Variants in ADCYAP1R1 observed in about 807,000 individuals in gnomAD.
ADCYAP1R1 encodes the protein ADCYAP receptor type I.
ADCYAP1R1 carries 44 observed loss-of-function variants against 67.6 expected under a neutral mutation model. That is an observed-to-expected ratio of 0.65 (90% CI 0.51 to 0.84). ADCYAP1R1 has a LOEUF of 0.84. ADCYAP1R1 is among the 40% of genes least tolerant of loss of function. The probability of loss-of-function intolerance (pLI) is 0.00; values close to 1 mark genes in which losing one functional copy is unlikely to be tolerated. For missense variants in ADCYAP1R1, 477 were observed against 587.9 expected, an observed-to-expected ratio of 0.81 and a Z score of 1.95; for synonymous variants, 222 against 219.6, an observed-to-expected ratio of 1.01 and a Z score of -0.10.
rs759456208 is a variant in ADCYAP1R1 at position 31,093,140 on chromosome 7, C to T, written c.1046+405C>T. Among the ~76,000 whole-genome samples the T allele has an allele frequency of 8.5e-5, 13 of 152,302 alleles. 1 individual carries two copies. In the South Asian group the frequency reaches 1.4e-3, roughly 17 times the overall value. Reference sequence around the variant, plus strand: ...CATTGTTGCCTGATATTCCGACCCCCAGCCCAGACTGTGGAAGTTGCCCAG... The same window carrying T: ...CATTGTTGCCTGATATTCCGACCCCTAGCCCAGACTGTGGAAGTTGCCCAG... On this transcript the variant is annotated intron_variant, in intron 13 of 15. Transcript: ENST00000304166.
chr7:31,079,627 G>A (rs1795429701), intron 4 of ADCYAP1R1, among the ~76,000 whole-genome samples: 1 of 152,246 alleles, frequency 6.6e-6, no homozygotes, highest in Non-Finnish European at 1.5e-5. Context: ...CCTGGAGGGG[G>A]AGGGGCTTGC....
intron 3 of ADCYAP1R1, among the ~76,000 whole-genome samples, chr7:31,065,835 T>TTCCTTCTGGA (rs1794714455): frequency 6.6e-6 from 1 of 152,222 alleles, no homozygotes; most frequent in African/African-American, 2.4e-5. Context: ...GGGATTCATT[T>TTCCTTCTGGA]TCCTTCTGGA....
rs540262330 is a variant in ADCYAP1R1 at position 31,064,911 on chromosome 7, G to A, written c.132G>A (p.Leu44=). 3 of 1,611,302 alleles carry A rather than the reference G, an allele frequency of 1.9e-6. No homozygotes were observed. Among genetic ancestry groups the A allele is most frequent in the African/African-American group, 2.7e-5 (2 of 75,012 alleles). Reference sequence around the variant, plus strand: ...AGAAGATCCAGAGGGCCAATGAGCTGATGGGCTTCAATGATTCCTCTCCAG... The same window carrying A: ...AGAAGATCCAGAGGGCCAATGAGCTAATGGGCTTCAATGATTCCTCTCCAG... ...CLEKIQRANE[L]MGFNDSSPGC... The change falls in exon 3 of 16, where the codon CTG becomes CTA. Residue 44 remains leucine, a synonymous_variant. Coordinates refer to ENST00000304166, the MANE Select transcript of ADCYAP1R1 (RefSeq NM_001118.5).
At chr7:31,104,964 C>A in intron 15 of ADCYAP1R1, 55 bp downstream of exon 15, 1 of 1,582,500 alleles carries the variant, frequency 6.3e-7, no homozygotes, top group Non-Finnish European at 8.7e-7. Context: ...TTCTGGGGAG[C>A]AGACAGGGGA....
At chr7:31,079,225 T>C (rs539654912) in intron 4 of ADCYAP1R1, among the ~76,000 whole-genome samples, 1 of 152,330 alleles carries the variant, frequency 6.6e-6, no homozygotes, top group African/African-American at 2.4e-5. Flanking sequence ...GGCTGGGACC[T>C]GTGAACTCCT....
rs576106591 is a variant in ADCYAP1R1 at position 31,074,725 on chromosome 7, A to G, written c.158-3266A>G. On this transcript the variant is annotated intron_variant, in intron 3 of 15. Coordinates refer to ENST00000304166, the MANE Select transcript of ADCYAP1R1 (RefSeq NM_001118.5). ...CTTTCAAGGACATGATGTCACAGCC[A>G]AGCACATGCTGGCTAGATGTCCTCT... Among the ~76,000 whole-genome samples, 3 of 152,354 alleles carry G rather than the reference A, an allele frequency of 2.0e-5. No homozygotes were observed. The East Asian group carries it at 5.8e-4, about 29-fold the overall frequency.
At chr7:31,053,963 G>A (rs1445771752) in intron 1 of ADCYAP1R1, among the ~76,000 whole-genome samples, 1 of 152,202 alleles carries the variant, frequency 6.6e-6, no homozygotes, top group Middle Eastern at 3.2e-3. Flanking sequence ...GGGGCAGCAG[G>A]CAGCACCCAG....
chr7:31,081,781 T>C (rs374343964), intron 6 of ADCYAP1R1, 27 bp downstream of exon 6: 186 of 1,579,244 alleles, frequency 1.2e-4, no homozygotes, highest in Non-Finnish European at 1.4e-4. Flanking sequence ...GGGTTGACCA[T>C]GGACTGGCTG....
intron 2 of ADCYAP1R1, 75 bp from the exon 3 acceptor site, chr7:31,064,756 C>T: frequency 8.1e-7 from 1 of 1,241,684 alleles, no homozygotes; most frequent in South Asian, 1.3e-5. Flanking sequence ...AGACACTGCC[C>T]CTGGGGCTTT....
chr7:31,095,132 G>A (rs1010343404), intron 13 of ADCYAP1R1, among the ~76,000 whole-genome samples: 3 of 152,120 alleles, frequency 2.0e-5, no homozygotes, highest in Admixed American at 6.5e-5. Flanking sequence ...GGAAATACTC[G>A]CGACCACATC....
chr7:31,071,546 C>G (rs189080837), intron 3 of ADCYAP1R1, among the ~76,000 whole-genome samples: 1 of 152,346 alleles, frequency 6.6e-6, no homozygotes, highest in East Asian at 1.9e-4. Flanking sequence ...CTGGGCTGCA[C>G]TCGGCCATCT....
At chr7:31,080,797 G>C (rs1795485256) in intron 5 of ADCYAP1R1, among the ~76,000 whole-genome samples, 164 bp downstream of exon 5, 2 of 152,054 alleles carry the variant, frequency 1.3e-5, no homozygotes, top group South Asian at 4.1e-4. Flanking sequence ...CCCTCTCCCC[G>C]ACCTTGGCCA....
intron 3 of ADCYAP1R1, among the ~76,000 whole-genome samples, chr7:31,076,689 T>G (rs75732474): frequency 0.025 from 3,790 of 152,262 alleles, 79 homozygotes; most frequent in African/African-American, 0.048. Context: ...CCTGGCTGGC[T>G]TTCCCCTCTT....
chr7:31,079,608 T>A (rs757644152), intron 4 of ADCYAP1R1, among the ~76,000 whole-genome samples: 1 of 152,196 alleles, frequency 6.6e-6, no homozygotes. Flanking sequence ...TTCCAATAAC[T>A]GACTCTGTCC....
Position 31,085,400 on chromosome 7 carries a change from T to C in ADCYAP1R1, c.627T>C (p.Ile209=). The part of the protein sequence containing the change: ...RAISVFIKDW[I]LYAEQDSNHC... Reference sequence around the variant, plus strand: ...TCTCCGTCTTCATCAAAGACTGGATTCTGTATGCGGAGCAGGACAGCAACC... The same window carrying C: ...TCTCCGTCTTCATCAAAGACTGGATCCTGTATGCGGAGCAGGACAGCAACC... The change falls in exon 9 of 16, where the codon ATT becomes ATC. Residue 209 remains isoleucine (I), a synonymous_variant. Coordinates refer to ENST00000304166, the MANE Select transcript of ADCYAP1R1 (RefSeq NM_001118.5). 6.2e-7 allele frequency: 1 copy of C among 1,613,952 alleles called. No individual in the cohort carries two copies. Among genetic ancestry groups the C allele is most frequent in the Non-Finnish European group, 8.5e-7 (1 of 1,180,016 alleles).
At chr7:31,065,254 C>T (rs1794686798) in intron 3 of ADCYAP1R1, among the ~76,000 whole-genome samples, 1 of 152,156 alleles carries the variant, frequency 6.6e-6, no homozygotes, top group Admixed American at 6.5e-5. Flanking sequence ...GCAGCATGGG[C>T]CTGGTGGCAG....
intron 1 of ADCYAP1R1, among the ~76,000 whole-genome samples, chr7:31,054,486 T>A (rs930512433): frequency 1.3e-5 from 2 of 152,236 alleles, no homozygotes; most frequent in African/African-American, 4.8e-5. Flanking sequence ...CTCTCTGTTG[T>A]GCGTCAACTT....
intron 6 of ADCYAP1R1, 73 bp from the exon 7 acceptor site, chr7:31,084,068 G>A (rs545191149): frequency 5.9e-5 from 80 of 1,345,354 alleles, no homozygotes; most frequent in South Asian, 8.4e-5. Context: ...CACTGAATAC[G>A]TAATTTTTGC....
At chr7:31,106,422 C>T in intron 15 of ADCYAP1R1, 74 bp from the exon 16 acceptor site, 2 of 1,503,444 alleles carry the variant, frequency 1.3e-6, no homozygotes, top group Non-Finnish European at 1.8e-6. Context: ...TGGGAAGGGC[C>T]CCAGGCCAGG....
Sources: allele counts gnomAD v4.1 joint callset (sites outside exome capture counted in the v4.1 genomes callset), GRCh38; gene constraint gnomAD v4.1.1; transcripts MANE v1.5; gene names NCBI Gene and HGNC (gene_info 2026-07-23, HGNC 2026-07-21).